PNLIPRP3: variants seen among roughly 807,000 people sequenced by gnomAD.
PNLIPRP3 encodes the protein pancreatic lipase-related protein 3.
A neutral mutation model predicts 52.8 loss-of-function variants in PNLIPRP3; 58 were observed. The observed-to-expected ratio is 1.10, with a 90% CI of 0.89 to 1.37. The LOEUF (loss-of-function observed/expected upper bound fraction) is 1.37, where lower values mean the gene tolerates loss of function less well. Among genes scored for constraint, PNLIPRP3 ranks in the 40% most tolerant of loss-of-function variants. The pLI, the probability that PNLIPRP3 is intolerant of heterozygous loss-of-function variation, is 0.00. For synonymous variants in PNLIPRP3, 192 were observed against 185.0 expected, an observed-to-expected ratio of 1.04 and a Z score of -0.31; for missense variants, 593 against 561.6, an observed-to-expected ratio of 1.06 and a Z score of -0.57.
chr10:116,435,915 C>A (rs1232155377), intron 1 of PNLIPRP3, among the ~76,000 whole-genome samples: 2 of 152,178 alleles, frequency 1.3e-5, no homozygotes, highest in Non-Finnish European at 2.9e-5. Flanking sequence ...AAGCTGGAAG[C>A]AGCACACTTC....
chr10:116,440,222 C>G (rs1434859425), intron 2 of PNLIPRP3, among the ~76,000 whole-genome samples: 1 of 152,062 alleles, frequency 6.6e-6, no homozygotes, highest in Non-Finnish European at 1.5e-5. Context: ...GCTCATTGAT[C>G]CTTTTATCCT....
At chr10:116,471,580 T>A (rs1314481430) in intron 9 of PNLIPRP3, among the ~76,000 whole-genome samples, 188 bp from the exon 10 acceptor site, 1 of 152,340 alleles carries the variant, frequency 6.6e-6, no homozygotes, top group East Asian at 1.9e-4. Context: ...TGACCCATAA[T>A]GTGTATTTTT....
chr10:116,448,845 A>AT (rs200459188), intron 4 of PNLIPRP3, among the ~76,000 whole-genome samples: 2,395 of 152,052 alleles, frequency 0.016, 25 homozygotes, highest in Non-Finnish European at 0.025. Context: ...GTGAAATCCC[A>AT]TATCTACTAA....
intron 4 of PNLIPRP3, among the ~76,000 whole-genome samples, chr10:116,450,128 C>A (rs895188271): frequency 6.6e-6 from 1 of 152,032 alleles, no homozygotes. Context: ...TAGTGATAAA[C>A]ACCTAAATTT....
Position 116,438,675 on chromosome 10 carries a change from T to C in PNLIPRP3, c.204+1810T>C, listed in dbSNP as rs76917563. Among the ~76,000 whole-genome samples the C allele has an allele frequency of 3.4e-3, 516 of 152,318 alleles. 5 individuals carry two copies. Among genetic ancestry groups the C allele is most frequent in the Non-Finnish European group, 5.6e-3 (382 of 68,022 alleles). Reference sequence around the variant, plus strand: ...GAAGCCTGATTGTTTGCTGTTAAAGTGTTTTTCAACAACCAAGATATAGGA... The same window carrying C: ...GAAGCCTGATTGTTTGCTGTTAAAGCGTTTTTCAACAACCAAGATATAGGA... On this transcript the variant is annotated intron_variant, in intron 2 of 11. Transcript: ENST00000369230.
At chr10:116,454,410 G>A (rs916627422) in intron 4 of PNLIPRP3, among the ~76,000 whole-genome samples, 4 of 152,230 alleles carry the variant, frequency 2.6e-5, no homozygotes, top group Non-Finnish European at 4.4e-5. Flanking sequence ...GAGCCCCCAC[G>A]CCTGGCAGAT....
intron 4 of PNLIPRP3, among the ~76,000 whole-genome samples, chr10:116,448,010 AAAGG>A (rs1321045099): frequency 2.6e-3 from 137 of 52,550 alleles, no homozygotes; most frequent in Middle Eastern, 0.014. Context: ...GAGAGAGAGA[AAAGG>A]AAGGAAGGAA....
rs535562132 is a variant in PNLIPRP3 at position 116,443,295 on chromosome 10, C to A, written c.324+121C>A. ...CTTCCATTCAGTTATCCACAATTAT[C>A]CGTGTTCTGGGGCCTCAAATTAGTT... On this transcript the variant is annotated intron_variant, in intron 3 of 11. Transcript: ENST00000369230. 3.4e-4 allele frequency: 382 copies of A among 1,112,062 alleles called. 1 individual carries two copies. The highest frequency in any genetic ancestry group is 1.8e-3 in the Middle Eastern group (7 of 3,950). 68.9% of individuals were successfully genotyped at this position (1,112,062 alleles called of 1,614,324 possible). A position where few individuals can be genotyped will look rare whatever the true frequency, so the allele number is the denominator to read the frequency against.
intron 2 of PNLIPRP3, 47 bp downstream of exon 2, chr10:116,436,912 G>T (rs1230654638): frequency 1.3e-6 from 2 of 1,500,908 alleles, no homozygotes; most frequent in African/African-American, 2.8e-5. Context: ...TAAAATATAA[G>T]ATTTGCCTAT....
rs11197687 is a variant in PNLIPRP3 at position 116,469,182 on chromosome 10, C to T, written c.928-3C>T. ...GTAATCACCTTTCATTTTCTGTCAT[C>T]AGGGAAATTGCTTCTTTTGTTCCAA... On this transcript the variant is annotated splice_polypyrimidine_tract_variant and splice_region_variant and intron_variant, in intron 8 of 11. Coordinates refer to ENST00000369230, the MANE Select transcript of PNLIPRP3 (RefSeq NM_001011709.3). 7,690 of 1,609,460 alleles carry T rather than the reference C, an allele frequency of 4.8e-3. 313 individuals are homozygous for T. In the African/African-American group the frequency reaches 0.092, roughly 19 times the overall value.
At chr10:116,465,465 G>A (rs1589988748) in intron 7 of PNLIPRP3, among the ~76,000 whole-genome samples, 2 of 152,140 alleles carry the variant, frequency 1.3e-5, no homozygotes, top group East Asian at 1.9e-4. Context: ...AACCCCGGAG[G>A]TGGAGCTTGC....
intron 10 of PNLIPRP3, among the ~76,000 whole-genome samples, chr10:116,473,767 C>A (rs1315967306): frequency 6.6e-6 from 1 of 151,990 alleles, no homozygotes; most frequent in Non-Finnish European, 1.5e-5. Context: ...GTGATCCACC[C>A]ACTTCGGCCT....
intron 3 of PNLIPRP3, among the ~76,000 whole-genome samples, chr10:116,443,771 G>GTA (rs1845896117): frequency 3.5e-5 from 2 of 57,324 alleles, no homozygotes; most frequent in African/African-American, 9.2e-5. Context: ...GTGTATGTGT[G>GTA]TGTGTGTGTG....
intron 2 of PNLIPRP3, among the ~76,000 whole-genome samples, chr10:116,442,196 A>C (rs1245749282): frequency 6.6e-6 from 1 of 152,140 alleles, no homozygotes; most frequent in Non-Finnish European, 1.5e-5. Context: ...AAATCACTTA[A>C]ATTTATAGTC....
chr10:116,444,475 G>C lies in PNLIPRP3; in HGVS notation c.418G>C (p.Val140Leu). 6.2e-7 allele frequency: 1 copy of C among 1,613,832 alleles called. No individual in the cohort carries two copies. The highest frequency in any genetic ancestry group is 8.5e-7 in the Non-Finnish European group (1 of 1,179,768). Residue 140 changes from valine to leucine, a missense_variant, in exon 4 of 12, where the codon GTT becomes CTT. Transcript: ENST00000369230. ...YIHAVNNLRV[V>L]GAEVAYFIDV... ...CCATGCTGTAAACAATCTCCGTGTT[G>C]TTGGTGCTGAGGTGGCTTATTTTAT...
intron 9 of PNLIPRP3, 37 bp downstream of exon 9, chr10:116,469,354 A>T: frequency 6.4e-7 from 1 of 1,555,962 alleles, no homozygotes. Flanking sequence ...TAATGCTTTA[A>T]GGTACTTATC....
chr10:116,455,793 A>G lies in PNLIPRP3; in HGVS notation c.528A>G (p.Glu176=), dbSNP rs1846104392. Residue 176 remains glutamate (E), a synonymous_variant, in exon 5 of 12, where the codon GAA becomes GAG. Coordinates refer to ENST00000369230, the MANE Select transcript of PNLIPRP3 (RefSeq NM_001011709.3). ...GHSLGAHLAG[E]AGSRIPGLGR... ...GCTTGGGAGCACACCTGGCTGGGGA[A>G]GCTGGGTCAAGGATACCAGGCCTTG... 1.9e-6 allele frequency: 3 copies of G among 1,613,472 alleles called. No individual in the cohort carries two copies. The highest frequency in any genetic ancestry group is 3.3e-5 in the Admixed American group (2 of 59,942).
chr10:116,469,381 T>G (rs1349717926), intron 9 of PNLIPRP3, 64 bp downstream of exon 9: 24 of 1,467,632 alleles, frequency 1.6e-5, no homozygotes, highest in Non-Finnish European at 2.2e-5. Context: ...AATTCAACAG[T>G]TTTTATTGAG....
intron 4 of PNLIPRP3, among the ~76,000 whole-genome samples, chr10:116,447,869 G>A (rs565878187): frequency 5.3e-5 from 8 of 151,830 alleles, no homozygotes; most frequent in Admixed American, 2.0e-4. Context: ...CCTGGGAGGC[G>A]GAGGTTGCAG....
Sources: allele counts gnomAD v4.1 joint callset (sites outside exome capture counted in the v4.1 genomes callset), GRCh38; gene constraint gnomAD v4.1.1; transcripts MANE v1.5; gene names NCBI Gene and HGNC (gene_info 2026-07-23, HGNC 2026-07-21).